Variants in SYCP2 observed in about 807,000 individuals in gnomAD.
The protein encoded by SYCP2 is synaptonemal complex lateral element protein.
SYCP2 carries 55 observed loss-of-function variants against 211.3 expected under a neutral mutation model. The ratio of observed to expected loss-of-function variants is 0.26; its 90% CI spans 0.21 to 0.33. The LOEUF (loss-of-function observed/expected upper bound fraction) is 0.33, where lower values mean the gene tolerates loss of function less well. Among genes scored for constraint, SYCP2 ranks in the 10% least tolerant of loss-of-function variants. SYCP2 has a pLI of 1.00. For synonymous variants in SYCP2, 570 were observed against 555.2 expected, an observed-to-expected ratio of 1.03 and a Z score of -0.37; for missense variants, 1,731 against 1,752.0, an observed-to-expected ratio of 0.99 and a Z score of 0.21.
chr20:59,908,109 C>T (rs1277250782), intron 14 of SYCP2, among the ~76,000 whole-genome samples: 1 of 151,894 alleles, frequency 6.6e-6, no homozygotes, highest in East Asian at 1.9e-4. Flanking sequence ...ATTAGCCGGG[C>T]GTGGTGGTGG....
At chr20:59,888,208 C>A (rs145532306) in intron 24 of SYCP2, among the ~76,000 whole-genome samples, 82 of 152,076 alleles carry the variant, frequency 5.4e-4, no homozygotes, top group African/African-American at 1.9e-3. Flanking sequence ...CAAACAAGTA[C>A]AAACCAGTAT....
At chr20:59,916,664 G>T in intron 7 of SYCP2, 93 bp from the exon 8 acceptor site, 2 of 821,000 alleles carry the variant, frequency 2.4e-6, no homozygotes, top group South Asian at 1.5e-5. Flanking sequence ...AAGGGGCCAG[G>T]CATGGTAACT....
Position 59,881,961 on chromosome 20 carries a change from G to C in SYCP2, c.2642C>G (p.Pro881Arg), listed in dbSNP as rs1479522285. 6.2e-7 allele frequency: 1 copy of C among 1,612,192 alleles called. No individual in the cohort carries two copies. ...YNFNLNGADD[P>R]IIKLGIQEFQ... The stretch of plus-strand genomic sequence containing the variant: ...TTAGCTTACTCCAAGTTTTATGATA[G>C]GGTCATCAGCTCCATTCAAATTAAA... Residue 881 changes from proline (P) to arginine (R), a missense_variant, in exon 28 of 45, where the codon CCT (proline) becomes CGT (arginine). By Grantham distance (103) the Pro-to-Arg change is moderately radical. Coordinates refer to ENST00000357552, the MANE Select transcript of SYCP2 (RefSeq NM_014258.4).
Position 59,909,613 on chromosome 20 carries a change from A to G in SYCP2, c.972+2137T>C, listed in dbSNP as rs562339983. Among the ~76,000 whole-genome samples, 42 of 152,304 alleles carry G rather than the reference A, an allele frequency of 2.8e-4. No individual in the cohort carries two copies. The South Asian group carries it at 6.0e-3, about 22-fold the overall frequency. The stretch of plus-strand genomic sequence containing the variant: ...TTCTCAATAGATATTCATTGAACTG[A>G]TGTTACCTCCTACTTAAAATCCTCC... On this transcript the variant is annotated intron_variant, in intron 14 of 44. Coordinates refer to ENST00000357552, the MANE Select transcript of SYCP2 (RefSeq NM_014258.4).
chr20:59,867,694 T>C lies in SYCP2; in HGVS notation c.4125+17A>G, dbSNP rs549828613. The C allele has an allele frequency of 3.1e-6, 5 of 1,594,218 alleles. No individual in the cohort carries two copies. The African/African-American group carries it at 5.4e-5, about 17-fold the overall frequency. ...TTATATTATTGGGTATAAATCATAA[T>C]TTAAAGAATAACTCACATTATTCCT... is the stretch of plus-strand genomic sequence containing the variant. On this transcript the variant is annotated intron_variant, in intron 39 of 44. Coordinates refer to ENST00000357552, the MANE Select transcript of SYCP2 (RefSeq NM_014258.4).
In SYCP2 at chr20:59,919,157, C is replaced by T; in HGVS notation, c.427+1G>A. ...CAATAGAAAATAAGTGTTTATTATA[C>T]CTTCATCACTGACATCATGTATGAC... On this transcript the variant is annotated splice_donor_variant, in intron 7 of 44. Coordinates refer to ENST00000357552, the MANE Select transcript of SYCP2 (RefSeq NM_014258.4). LOFTEE classifies it high-confidence loss of function. 7.9e-7 allele frequency: 1 copy of T among 1,262,240 alleles called. No homozygotes were observed. Among genetic ancestry groups the T allele is most frequent in the Non-Finnish European group, 1.1e-6 (1 of 886,890 alleles). 78.2% of individuals were successfully genotyped at this position (1,262,240 alleles called of 1,614,324 possible). A position where few individuals can be genotyped will look rare whatever the true frequency, so the allele number is the denominator to read the frequency against.
rs756836898 is a variant in SYCP2 at position 59,886,704 on chromosome 20, T to C, written c.2492+3A>G. The C allele has an allele frequency of 5.8e-6, 9 of 1,545,584 alleles. No individual in the cohort carries two copies. The highest frequency in any genetic ancestry group is 7.8e-6 in the Non-Finnish European group (9 of 1,149,618). ...TATTCATGTCTGAAATTTAAGAACA[T>C]ACCTGTTAATCAAAGACTCCTTTAA... On this transcript the variant is annotated splice_donor_region_variant and intron_variant, in intron 25 of 44. Transcript: ENST00000357552.
Position 59,882,736 on chromosome 20 carries a change from A to C in SYCP2, c.2530-571T>G, listed in dbSNP as rs568596465. 2.6e-5 allele frequency among the ~76,000 whole-genome samples: 4 copies of C among 152,262 alleles called. No homozygotes were observed. In the East Asian group the frequency reaches 5.8e-4, roughly 22 times the overall value. On this transcript the variant is annotated intron_variant, in intron 26 of 44. Coordinates refer to ENST00000357552, the MANE Select transcript of SYCP2 (RefSeq NM_014258.4). ...AGTGGGAGCTAAAAAAGTGAATCTT[A>C]TGGAGATAGAGCGTAGAACGGTGAT...
In SYCP2 at chr20:59,897,735, C is replaced by T. The variant is rs114416690; in HGVS notation, c.1405-1207G>A. 5.0e-3 allele frequency among the ~76,000 whole-genome samples: 763 copies of T among 152,046 alleles called. 4 individuals carry two copies. The highest frequency in any genetic ancestry group is 0.017 in the African/African-American group (725 of 41,466). On this transcript the variant is annotated intron_variant, in intron 18 of 44. Transcript: ENST00000357552. Reference sequence around the variant, plus strand: ...GAAGTGCCTGTGAGAGTTATAGTTACGTAAAGGTGAGAGATTAGTAAAAAC... The same window carrying T: ...GAAGTGCCTGTGAGAGTTATAGTTATGTAAAGGTGAGAGATTAGTAAAAAC...
Position 59,873,979 on chromosome 20 carries a change from T to C in SYCP2, c.3432A>G (p.Ser1144=), listed in dbSNP as rs758802799. ...TKSISPYPKT[S]SLESLNSNSG... is the part of the protein sequence containing the mutation. ...TGTTACTATTTAAGGATTCAAGTGA[T>C]GAAGTTTTTGGATAAGGTGATATAG... Residue 1144 remains serine, a synonymous_variant, in exon 35 of 45, where the codon TCA becomes TCG. Coordinates refer to ENST00000357552, the MANE Select transcript of SYCP2 (RefSeq NM_014258.4). The C allele has an allele frequency of 2.5e-6, 4 of 1,613,246 alleles. No homozygotes were observed. The highest frequency in any genetic ancestry group is 3.4e-6 in the Non-Finnish European group (4 of 1,179,520).
At chr20:59,900,902 T>C in intron 16 of SYCP2, 84 bp from the exon 17 acceptor site, 1 of 1,047,420 alleles carries the variant, frequency 9.5e-7, no homozygotes, top group Non-Finnish European at 1.4e-6. Context: ...CCATTTAATG[T>C]AATTATTTCC....
intron 15 of SYCP2, among the ~76,000 whole-genome samples, chr20:59,905,531 T>C (rs1316303727): frequency 2.0e-5 from 3 of 152,138 alleles, no homozygotes; most frequent in Non-Finnish European, 4.4e-5. Flanking sequence ...TACTGTATGA[T>C]TCCATTTATA....
At chr20:59,877,254 ATTAT>A (rs2145647294) in intron 33 of SYCP2, 127 bp downstream of exon 33, 1 of 711,680 alleles carries the variant, frequency 1.4e-6, no homozygotes, top group East Asian at 3.4e-5. Context: ...TTCTAGAATT[ATTAT>A]TTAAGTTTTG....
intron 24 of SYCP2, among the ~76,000 whole-genome samples, 172 bp downstream of exon 24, chr20:59,891,818 C>T (rs893986701): frequency 7.2e-5 from 11 of 151,886 alleles, no homozygotes; most frequent in Non-Finnish European, 1.0e-4. Flanking sequence ...ACTGTTCTAT[C>T]AGAGCTACGA....
At chr20:59,909,663 T>G (rs1038081459) in intron 14 of SYCP2, among the ~76,000 whole-genome samples, 2 of 152,232 alleles carry the variant, frequency 1.3e-5, no homozygotes, top group Admixed American at 1.3e-4. Flanking sequence ...TCCTATATTT[T>G]TGCAATCCCC....
In SYCP2 at chr20:59,911,894, AACAG is replaced by A. The variant is rs771554023; in HGVS notation, c.877-53_877-50del. On this transcript the variant is annotated intron_variant, in intron 13 of 44. Transcript: ENST00000357552. Reference sequence around the variant, plus strand: ...TGGAATATACAATGATTTTAGAAATAACAGACAATTATGATGTTATATTCATGGC... The same window carrying A: ...TGGAATATACAATGATTTTAGAAATAACAATTATGATGTTATATTCATGGC... 1.2e-5 allele frequency: 12 copies of A among 962,654 alleles called. No individual in the cohort carries two copies. The South Asian group carries it at 1.7e-4, about 14-fold the overall frequency. The allele number at this position is 962,654 out of a possible 1,614,324, so 59.6% of individuals were successfully genotyped here. A position where few individuals can be genotyped will look rare whatever the true frequency, so the allele number is the denominator to read the frequency against.
At chr20:59,922,764 G>A (rs1399707409) in intron 2 of SYCP2, among the ~76,000 whole-genome samples, 4 of 151,298 alleles carry the variant, frequency 2.6e-5, no homozygotes, top group African/African-American at 9.7e-5. Flanking sequence ...CCTTTCCAGT[G>A]ATTCCCTGCT....
At chr20:59,890,446 TAG>T (rs1252645608) in intron 24 of SYCP2, among the ~76,000 whole-genome samples, 1 of 152,058 alleles carries the variant, frequency 6.6e-6, no homozygotes, top group Non-Finnish European at 1.5e-5. Context: ...ATACCTAATG[TAG>T]ATGATGGGTT....
At chr20:59,881,285 A>G (rs1239629840) in intron 29 of SYCP2, 152 bp downstream of exon 29, 2 of 598,438 alleles carry the variant, frequency 3.3e-6, no homozygotes, top group Non-Finnish European at 5.8e-6. Flanking sequence ...TAATTTAAAG[A>G]GTAAATGTTG....
Sources: allele counts gnomAD v4.1 joint callset (sites outside exome capture counted in the v4.1 genomes callset), GRCh38; gene constraint gnomAD v4.1.1; transcripts MANE v1.5; gene names NCBI Gene and HGNC (gene_info 2026-07-23, HGNC 2026-07-21).